Variants in MYH7B observed in about 807,000 individuals in gnomAD.
MYH7B encodes the protein myosin-7B.
A neutral mutation model predicts 234.5 loss-of-function variants in MYH7B; 205 were observed. That is an observed-to-expected ratio of 0.87 (90% confidence interval 0.78 to 0.98). The LOEUF (loss-of-function observed/expected upper bound fraction) is 0.98. Ranked by LOEUF, MYH7B falls within the 50% of genes least tolerant of loss-of-function variation. The probability of loss-of-function intolerance (pLI) is 0.00; values close to 1 mark genes in which losing one functional copy is unlikely to be tolerated. For synonymous variants in MYH7B, 1,193 were observed against 1,105.0 expected (o/e 1.08, Z -1.58); for missense variants, 2,652 against 2,633.4 (o/e 1.01, Z -0.15).
intron 3 of MYH7B, among the ~76,000 whole-genome samples, chr20:34,977,154 T>C (rs1028126829): frequency 1.3e-5 from 2 of 150,940 alleles, no homozygotes; most frequent in Admixed American, 6.6e-5. Context: ...TTCTCTCTCC[T>C]TCTCTTTTTG....
rs768039107 is a variant in MYH7B at position 34,988,293 on chromosome 20, A to T, written c.1587+31A>T. The T allele has an allele frequency of 3.1e-6, 5 of 1,595,900 alleles. No homozygotes were observed. In the African/African-American group the frequency reaches 6.7e-5, roughly 21 times the overall value. ...TGCCGCGGCAAGGTCACTTTGAGGA[A>T]GGGAGGGTGTGTGTGGTGAGCAAGC... On this transcript the variant is annotated intron_variant, in intron 19 of 44. Coordinates refer to ENST00000262873, the Ensembl canonical transcript of MYH7B.
chr20:34,997,324 C>T, exon 32 of MYH7B: 2 of 1,549,256 alleles, frequency 1.3e-6, no homozygotes. Context: ...AAGCAGCGTG[C>T]AGAGGCGGCG....
exon 42 of MYH7B, chr20:35,001,324 G>A (rs147471762): frequency 7.4e-6 from 12 of 1,611,438 alleles, no homozygotes; most frequent in Middle Eastern, 1.7e-4. Context: ...AAGCATGAGC[G>A]CCGTGTCAAG....
chr20:34,995,528 G>C (rs2425015), exon 28 of MYH7B: 1 of 1,614,194 alleles, frequency 6.2e-7, no homozygotes, highest in Non-Finnish European at 8.5e-7. Flanking sequence ...TGATGACCTG[G>C]AGCTGACACT....
At chr20:34,999,749 A>AC (rs2082332310) in intron 37 of MYH7B, 42 bp from the exon 38 acceptor site, 2 of 1,226,898 alleles carry the variant, frequency 1.6e-6, no homozygotes, top group Admixed American at 2.2e-5. Context: ...TCCACTGGCC[A>AC]TCCCCCCCCC....
In MYH7B at chr20:34,978,333, A is replaced by G. The variant is rs192805289; in HGVS notation, c.91+237A>G. Among the ~76,000 whole-genome samples, 16 of 152,264 alleles carry G rather than the reference A, an allele frequency of 1.1e-4. No homozygotes were observed. The East Asian group carries it at 2.9e-3, about 28-fold the overall frequency. ...TTGTTCCCCTGTGAAATGGGATAAT[A>G]GCACCTGCCTTCCGGAGCTGCAGTT... On this transcript the variant is annotated intron_variant, in intron 5 of 44. Transcript: ENST00000262873.
In MYH7B at chr20:34,961,382, A is replaced by G. The variant is rs187693342; in HGVS notation, c.-222+3170A>G. Among the ~76,000 whole-genome samples the G allele has an allele frequency of 1.1e-3, 174 of 152,318 alleles. 1 individual carries two copies. The highest frequency in any genetic ancestry group is 4.1e-3 in the African/African-American group (170 of 41,574). ...ACCTACCATCCAGCTTGCAAAATAAAACACTGCTAATATAAAGACCTTTTT... is the reference window on the plus strand; with the variant it reads ...ACCTACCATCCAGCTTGCAAAATAAGACACTGCTAATATAAAGACCTTTTT... On this transcript the variant is annotated intron_variant, in intron 2 of 44. Coordinates refer to ENST00000262873, the Ensembl canonical transcript of MYH7B.
intron 9 of MYH7B, chr20:34,981,828 G>A (rs572742764): frequency 2.7e-5 from 4 of 145,516 alleles, no homozygotes; most frequent in African/African-American, 7.9e-5. Context: ...CTCCAGCCTG[G>A]GCCACAGAAT....
In MYH7B at chr20:35,000,666, C is replaced by G. The variant is rs758860211; in HGVS notation, c.5155C>G (p.Arg1719Gly). The change falls in exon 39 of 45, where the codon CGC becomes GGC. Residue 1719 changes from arginine to glycine, a missense_variant. Arg to Gly is a moderately radical substitution (Grantham distance 125). Coordinates refer to ENST00000262873, the Ensembl canonical transcript of MYH7B. ...GCAGGAGCTTTTGGAGGCCACCGAGCGCCTCAACCTTCTGCATTCGCAGGT... is the reference window on the plus strand; with the variant it reads ...GCAGGAGCTTTTGGAGGCCACCGAGGGCCTCAACCTTCTGCATTCGCAGGT... 16 of 1,587,472 alleles carry G rather than the reference C, an allele frequency of 1.0e-5. No individual in the cohort carries two copies. Among genetic ancestry groups the G allele is most frequent in the Non-Finnish European group, 1.7e-6 (2 of 1,168,356 alleles).
At chr20:34,976,731 A>G (rs2081858233) in intron 3 of MYH7B, among the ~76,000 whole-genome samples, 1 of 152,188 alleles carries the variant, frequency 6.6e-6, no homozygotes. Flanking sequence ...TGATTTCCCC[A>G]GGGGGTCCCC....
chr20:34,987,538 C>A lies in MYH7B; in HGVS notation c.1148-19C>A. On this transcript the variant is annotated intron_variant, in intron 16 of 44. Transcript: ENST00000262873. Reference sequence around the variant, plus strand: ...GCATGGTGGTGTCCTCCTCCCTTACCCCACTCGTGCCCTGCCAGGTGCTGA... The same window carrying A: ...GCATGGTGGTGTCCTCCTCCCTTACACCACTCGTGCCCTGCCAGGTGCTGA... The A allele has an allele frequency of 6.7e-7, 1 of 1,502,856 alleles. No homozygotes were observed. The highest frequency in any genetic ancestry group is 8.9e-7 in the Non-Finnish European group (1 of 1,129,894). The allele number at this position is 1,502,856 out of a possible 1,614,324, so 93.1% of individuals were successfully genotyped here. A position where few individuals can be genotyped will look rare whatever the true frequency, so the allele number is the denominator to read the frequency against.
At chr20:34,999,587 C>T in exon 37 of MYH7B, 1 of 1,610,976 alleles carries the variant, frequency 6.2e-7, no homozygotes, top group Non-Finnish European at 8.5e-7. Context: ...TCAGCGACCT[C>T]ACAGACCAGG....
At chr20:34,998,169 G>A (rs574095008) in intron 32 of MYH7B, 126 bp from the exon 33 acceptor site, 2 of 1,160,430 alleles carry the variant, frequency 1.7e-6, no homozygotes, top group Admixed American at 4.2e-5. Flanking sequence ...TTGGGGCTCT[G>A]CTCTCCCTTT....
Position 34,996,748 on chromosome 20 carries a change from A to T in MYH7B, c.3256A>T (p.Lys1086Ter). 11 of 1,611,182 alleles carry T rather than the reference A, an allele frequency of 6.8e-6. No individual in the cohort carries two copies. The highest frequency in any genetic ancestry group is 9.3e-6 in the Non-Finnish European group (11 of 1,179,000). Residue 1086 changes from lysine (K) to a stop codon, truncating the protein, a stop_gained, in exon 30 of 45, where the codon AAG (lysine) becomes TAG (stop). Coordinates refer to ENST00000262873, the Ensembl canonical transcript of MYH7B. LOFTEE classifies it high-confidence loss of function. ...TCAAGACAAGCAGCAGCTGGAGGAG[A>T]AGCTCAAGAAGTAGGTGTGGTGGGG...
intron 2 of MYH7B, among the ~76,000 whole-genome samples, chr20:34,964,645 G>A (rs763857724): frequency 2.0e-5 from 3 of 152,180 alleles, no homozygotes; most frequent in Admixed American, 1.3e-4. Flanking sequence ...GGGACTGGGC[G>A]CGGTGGCTCA....
intron 2 of MYH7B, among the ~76,000 whole-genome samples, chr20:34,967,559 C>T (rs937023539): frequency 3.9e-5 from 6 of 152,064 alleles, no homozygotes; most frequent in Non-Finnish European, 8.8e-5. Flanking sequence ...GCTACAGCAC[C>T]CCCCGCCCTC....
intron 1 of MYH7B, among the ~76,000 whole-genome samples, chr20:34,957,517 T>C (rs1418667397): frequency 1.4e-5 from 2 of 146,308 alleles, no homozygotes; most frequent in East Asian, 4.0e-4. Flanking sequence ...AGACGGAGTT[T>C]TCGTTGTTGT....
Position 34,999,237 on chromosome 20 carries a change from C to G in MYH7B, c.4372C>G (p.Arg1458Gly), listed in dbSNP as rs368970971. Residue 1458 changes from arginine to glycine, a missense_variant, in exon 36 of 45, where the codon CGG becomes GGG. This residue lies in a region of MYH7B where 2,279 missense variants were observed against 2,211.4 expected (regional missense o/e 1.03). Transcript: ENST00000262873. ...GGACAAGAAGCAGCGGCACTTGGAA[C>G]GGGCACTGGAGGAACGGCGGCGGCA... 2.5e-6 allele frequency: 4 copies of G among 1,609,106 alleles called. No homozygotes were observed. The South Asian group carries it at 3.3e-5, about 13-fold the overall frequency.
chr20:34,966,267 G>C (rs1473868223), intron 2 of MYH7B, among the ~76,000 whole-genome samples: 1 of 152,212 alleles, frequency 6.6e-6, no homozygotes, highest in African/African-American at 2.4e-5. Context: ...TCATCAAACT[G>C]TGGCGCATCC....
Sources: allele counts gnomAD v4.1 joint callset (sites outside exome capture counted in the v4.1 genomes callset), GRCh38; gene constraint gnomAD v4.1.1; regional missense constraint gnomAD v4.1.1; transcripts MANE v1.5; gene names NCBI Gene and HGNC (gene_info 2026-07-23, HGNC 2026-07-21).